The following SCN10A variants were observed in gnomAD, a reference collection of about 807,000 sequenced individuals.
The protein encoded by SCN10A is sodium channel protein type 10 subunit alpha.
In SCN10A, 162 loss-of-function variants were observed where a neutral mutation model predicts 170.7. That is an observed-to-expected ratio of 0.95 (90% CI 0.84 to 1.08). The LOEUF (loss-of-function observed/expected upper bound fraction) is 1.08. Among genes scored for constraint, SCN10A ranks in the 50% least tolerant of loss-of-function variants. The pLI, the probability that SCN10A is intolerant of heterozygous loss-of-function variation, is 0.00. For synonymous variants in SCN10A, 985 were observed against 904.6 expected (o/e 1.09, Z -1.59); for missense variants, 2,527 against 2,436.9 (o/e 1.04, Z -0.78).
Position 38,755,787 on chromosome 3 carries a change from C to G in SCN10A, c.1461+1G>C. The G allele has an allele frequency of 5.0e-6, 8 of 1,613,418 alleles. No individual in the cohort carries two copies. The highest frequency in any genetic ancestry group is 6.8e-6 in the Non-Finnish European group (8 of 1,179,994). ...TTAGAGCACAAACCTGAGCCTCTTA[C>G]CATCCTGCGCTGGTTGTAAGGATCA... On this transcript the variant is annotated splice_donor_variant, in intron 11 of 27. Coordinates refer to ENST00000449082, the MANE Select transcript of SCN10A (RefSeq NM_006514.4). LOFTEE classifies it high-confidence loss of function.
chr3:38,737,523 G>C (rs1329974820), intron 15 of SCN10A, among the ~76,000 whole-genome samples: 1 of 152,134 alleles, frequency 6.6e-6, no homozygotes, highest in African/African-American at 2.4e-5. Context: ...CCCTGGGATG[G>C]TGACAGTACC....
At chr3:38,761,856 GA>G (rs2063877787) in intron 6 of SCN10A, among the ~76,000 whole-genome samples, 1 of 151,504 alleles carries the variant, frequency 6.6e-6, no homozygotes, top group African/African-American at 2.4e-5. Flanking sequence ...GAGAGAGAGA[GA>G]GAGAGAGAAA....
rs777240104 is a variant in SCN10A at position 38,722,289 on chromosome 3, A to T, written c.3476T>A (p.Ile1159Asn). The T allele has an allele frequency of 5.6e-6, 9 of 1,613,996 alleles. No individual in the cohort carries two copies. Among genetic ancestry groups the T allele is most frequent in the Non-Finnish European group, 5.1e-6 (6 of 1,180,010 alleles). Reference protein sequence around the residue: ...VEHSWFESFIIFMILLSSGSL... With the variant: ...VEHSWFESFINFMILLSSGSL... ...TCCACTGCTGAGCAGGATCATGAAGATGATGAAGCTCTCAAACCAGCTGTG... is the reference window on the plus strand; with the variant it reads ...TCCACTGCTGAGCAGGATCATGAAGTTGATGAAGCTCTCAAACCAGCTGTG... The change falls in exon 20 of 28, where the codon ATC becomes AAC. Residue 1159 changes from isoleucine (I) to asparagine (N), a missense_variant. Transcript: ENST00000449082.
rs542558524 is a variant in SCN10A at position 38,792,747 on chromosome 3, T to C, written c.271-579A>G. 2.7e-4 allele frequency among the ~76,000 whole-genome samples: 20 copies of C among 73,110 alleles called. 2 individuals carry two copies. In the South Asian group the frequency reaches 0.01, roughly 38 times the overall value. The allele number at this position is 73,110 out of a possible 152,430, so 48.0% of individuals were successfully genotyped here. ...TGTCCTCCTAACTCCCAAACATGCATTCACCATTTTTTGGCTCGTAGAACA... is the reference window on the plus strand; with the variant it reads ...TGTCCTCCTAACTCCCAAACATGCACTCACCATTTTTTGGCTCGTAGAACA... On this transcript the variant is annotated intron_variant, in intron 2 of 27. Coordinates refer to ENST00000449082, the MANE Select transcript of SCN10A (RefSeq NM_006514.4).
intron 4 of SCN10A, among the ~76,000 whole-genome samples, chr3:38,779,631 T>G (rs1268471605): frequency 1.3e-5 from 2 of 152,010 alleles, no homozygotes; most frequent in African/African-American, 4.8e-5. Context: ...GATATAAATA[T>G]TCTATGCTTC....
intron 19 of SCN10A, 130 bp downstream of exon 19, chr3:38,723,300 C>T (rs562683151): frequency 8.5e-7 from 1 of 1,182,792 alleles, no homozygotes; most frequent in South Asian, 1.4e-5. Context: ...CGGGCGCCCT[C>T]AAGCCTGGGA....
rs758035498 is a variant in SCN10A at position 38,792,140 on chromosome 3, G to T, written c.299C>A (p.Thr100Asn). ...RTFMVLNKGR[T>N]ISRFSATRAL... ...CCGAGTGGCACTAAACCGGGAAATG[G>T]TCCTCCCTTTGTTCAGCACCATAAA... The change falls in exon 3 of 28, where the codon ACC becomes AAC. Residue 100 changes from threonine to asparagine, a missense_variant. Transcript: ENST00000449082. 3.1e-6 allele frequency: 5 copies of T among 1,613,676 alleles called. No homozygotes were observed. In the African/African-American group the frequency reaches 6.7e-5, roughly 22 times the overall value.
chr3:38,795,464 C>T (rs1197999204), intron 1 of SCN10A, among the ~76,000 whole-genome samples: 1 of 151,682 alleles, frequency 6.6e-6, no homozygotes, highest in African/African-American at 2.4e-5. Flanking sequence ...CCTCAGCCTC[C>T]CGAATAGCTG....
At chr3:38,761,854 GA>G in intron 6 of SCN10A, among the ~76,000 whole-genome samples, 1 of 151,654 alleles carries the variant, frequency 6.6e-6, no homozygotes, top group African/African-American at 2.4e-5. Context: ...GAGAGAGAGA[GA>G]GAGAGAGAGA....
chr3:38,788,074 G>T (rs967442007), intron 4 of SCN10A, among the ~76,000 whole-genome samples: 1 of 151,774 alleles, frequency 6.6e-6, no homozygotes, highest in African/African-American at 2.4e-5. Flanking sequence ...ACTTTTCTAA[G>T]AATTTAAAAT....
intron 4 of SCN10A, 110 bp from the exon 5 acceptor site, chr3:38,771,517 A>C: frequency 3.6e-6 from 4 of 1,098,170 alleles, no homozygotes; most frequent in Non-Finnish European, 5.3e-6. Flanking sequence ...AAGAAAAAAC[A>C]TGCAAAGAAT....
chr3:38,752,650 T>C (rs888012462), intron 11 of SCN10A, 138 bp from the exon 12 acceptor site: 2 of 609,726 alleles, frequency 3.3e-6, no homozygotes, highest in Admixed American at 3.9e-5. Flanking sequence ...AAGGCACAAA[T>C]CTAAGGGGTA....
intron 1 of SCN10A, among the ~76,000 whole-genome samples, chr3:38,803,363 C>A (rs2064385323): frequency 6.6e-6 from 1 of 152,018 alleles, no homozygotes; most frequent in Non-Finnish European, 1.5e-5. Context: ...ATGTTTATTG[C>A]AGCACTATTC....
At chr3:38,770,310 G>C (rs982957037) in intron 5 of SCN10A, among the ~76,000 whole-genome samples, 3 of 152,168 alleles carry the variant, frequency 2.0e-5, no homozygotes, top group African/African-American at 7.2e-5. Flanking sequence ...GGGCCATAAA[G>C]CTTCCGAGAG....
In SCN10A at chr3:38,750,346, CT is replaced by C. The variant is rs560772996; in HGVS notation, c.1756-163del. On this transcript the variant is annotated intron_variant, in intron 12 of 27. Transcript: ENST00000449082. Reference sequence around the variant, plus strand: ...TACATCATTAGGTGATTTCATCATTCTGTGAATATCCTACATTGTATTTACA... The same window carrying C: ...TACATCATTAGGTGATTTCATCATTCGTGAATATCCTACATTGTATTTACA... Among the ~76,000 whole-genome samples, 447 of 152,316 alleles carry C rather than the reference CT, an allele frequency of 2.9e-3. 2 individuals are homozygous for C. The highest frequency in any genetic ancestry group is 0.01 in the African/African-American group (431 of 41,564).
intron 5 of SCN10A, among the ~76,000 whole-genome samples, chr3:38,765,311 C>T (rs899277069): frequency 6.6e-6 from 1 of 152,086 alleles, no homozygotes; most frequent in African/African-American, 2.4e-5. Flanking sequence ...AGAGTTTTTC[C>T]AATGTTATCT....
intron 25 of SCN10A, 139 bp from the exon 26 acceptor site, chr3:38,707,522 G>C: frequency 1.2e-6 from 1 of 826,748 alleles, no homozygotes; most frequent in Non-Finnish European, 1.9e-6. Context: ...GCATCAAGGA[G>C]TGTCTTGCCA....
chr3:38,751,846 A>G lies in SCN10A; in HGVS notation c.1755+373T>C, dbSNP rs559261006. On this transcript the variant is annotated intron_variant, in intron 12 of 27. Coordinates refer to ENST00000449082, the MANE Select transcript of SCN10A (RefSeq NM_006514.4). ...ATTTGCCCAGCCTAGAAGAGTTTGC[A>G]TAGAGCCATAAGCAGGAAGAGAAGG... Among the ~76,000 whole-genome samples the G allele has an allele frequency of 4.8e-4, 73 of 152,346 alleles. 1 individual carries two copies. The highest frequency in any genetic ancestry group is 9.1e-4 in the Non-Finnish European group (62 of 68,040).
chr3:38,775,025 G>T (rs2064055193), intron 4 of SCN10A, among the ~76,000 whole-genome samples: 1 of 152,092 alleles, frequency 6.6e-6, no homozygotes, highest in Admixed American at 6.6e-5. Flanking sequence ...CATGTGGCTG[G>T]AGTTTCTTCA....
Sources: allele counts gnomAD v4.1 joint callset (sites outside exome capture counted in the v4.1 genomes callset), GRCh38; gene constraint gnomAD v4.1.1; transcripts MANE v1.5; gene names NCBI Gene and HGNC (gene_info 2026-07-23, HGNC 2026-07-21).